The following LRP2 variants were observed in gnomAD, a reference collection of about 807,000 sequenced individuals.
LRP2 encodes low-density lipoprotein receptor-related protein 2.
LRP2 carries 172 observed loss-of-function variants against 531.0 expected under a neutral mutation model. The observed-to-expected ratio is 0.32, with a 90% CI of 0.29 to 0.37. LRP2 has a LOEUF of 0.37. Ranked by LOEUF, LRP2 falls within the 10% of genes least tolerant of loss-of-function variation. The probability of loss-of-function intolerance (pLI) is 1.00; values close to 1 mark genes in which losing one functional copy is unlikely to be tolerated. For missense variants in LRP2, 5,167 were observed against 5,868.3 expected (o/e 0.88, Z 3.90); for synonymous variants, 1,992 against 2,027.6 (o/e 0.98, Z 0.47).
chr2:169,133,039 C>T lies in LRP2; in HGVS notation c.13621-358G>A, dbSNP rs144883272. Reference sequence around the variant, plus strand: ...TCATACTCTAGTTATATACTGGAAGCCAAATCCTAGAAGAACAGCAAGAAT... The same window carrying T: ...TCATACTCTAGTTATATACTGGAAGTCAAATCCTAGAAGAACAGCAAGAAT... On this transcript the variant is annotated intron_variant, in intron 76 of 78. Transcript: ENST00000649046. 9.9e-5 allele frequency among the ~76,000 whole-genome samples: 15 copies of T among 152,284 alleles called. No individual in the cohort carries two copies. In the East Asian group the frequency reaches 2.5e-3, roughly 25 times the overall value.
chr2:169,136,621 C>T (rs1685521171), intron 76 of LRP2, among the ~76,000 whole-genome samples: 1 of 144,394 alleles, frequency 6.9e-6, no homozygotes, highest in Non-Finnish European at 1.5e-5. Context: ...TCAAAAACTC[C>T]CCCCCACTGA....
At chr2:169,197,734 C>T (rs1213623972) in intron 45 of LRP2, among the ~76,000 whole-genome samples, 1 of 152,188 alleles carries the variant, frequency 6.6e-6, no homozygotes, top group Non-Finnish European at 1.5e-5. Context: ...AAGCAGAGGT[C>T]CCTGAAAAGT....
intron 15 of LRP2, 146 bp downstream of exon 15, chr2:169,272,781 C>G (rs115435269): frequency 3.2e-6 from 3 of 943,354 alleles, no homozygotes; most frequent in Non-Finnish European, 5.2e-6. Context: ...AAGGAAGATG[C>G]CCTGTGGGCT....
chr2:169,196,993 T>A lies in LRP2; in HGVS notation c.8616A>T (p.Ala2872=). ...AATGTTGAGGAATACAGCGCCCAGA[T>A]GCGCATTGGAACTCACTGCTGCTGC... ...HTCSSSEFQC[A]SGRCIPQHWY... Residue 2872 remains alanine, a synonymous_variant, in exon 46 of 79, where the codon GCA becomes GCT. Coordinates refer to ENST00000649046, the MANE Select transcript of LRP2 (RefSeq NM_004525.3). 6.2e-7 allele frequency: 1 copy of A among 1,614,172 alleles called. No homozygotes were observed.
In LRP2 at chr2:169,271,089, A is replaced by C. The variant is rs1479151234; in HGVS notation, c.2135T>G (p.Ile712Ser). 1.2e-6 allele frequency: 2 copies of C among 1,612,820 alleles called. No homozygotes were observed. Among genetic ancestry groups the C allele is most frequent in the Non-Finnish European group, 1.7e-6 (2 of 1,179,232 alleles). Reference protein sequence around the residue: ...RHCIAVQNFLIFSSQVAIRGI... With the variant: ...RHCIAVQNFLSFSSQVAIRGI... ...ACGAATAGCAACTTGGGATGAAAAA[A>C]TGAGGAAATTCTGAACAGCTGTAGG... Residue 712 changes from isoleucine to serine, a missense_variant, in exon 16 of 79, where the codon ATT (isoleucine) becomes AGT (serine). By Grantham distance (142) the Ile-to-Ser change is moderately radical (BLOSUM62 -2). This residue lies in a region of LRP2 where 2,811 missense variants were observed against 3,058.0 expected (regional missense o/e 0.92). Transcript: ENST00000649046.
At chr2:169,176,273 C>T in intron 54 of LRP2, 138 bp downstream of exon 54, 1 of 904,786 alleles carries the variant, frequency 1.1e-6, no homozygotes, top group East Asian at 2.6e-5. Context: ...GGCTGAGAGT[C>T]TTGCTGTGTT....
At position 169,137,505 on chromosome 2, in the gene LRP2, G is replaced by A. The variant is rs778095847; in HGVS notation, c.13519-12C>T. On this transcript the variant is annotated splice_polypyrimidine_tract_variant and intron_variant, in intron 75 of 78. Transcript: ENST00000649046. ...ACAAAGTCTTCACTCTGATGGCAGA[G>A]ACAGAAAGAGAGAGAGAGAGAGAGA... is the stretch of plus-strand genomic sequence containing the variant. 1 of 1,458,518 alleles carries A rather than the reference G, an allele frequency of 6.9e-7. No individual in the cohort carries two copies. Among genetic ancestry groups the A allele is most frequent in the African/African-American group, 1.4e-5 (1 of 70,548 alleles). The allele number at this position is 1,458,518 out of a possible 1,614,324, so 90.3% of individuals were successfully genotyped here.
At chr2:169,324,846 G>A (rs1184762896) in intron 1 of LRP2, among the ~76,000 whole-genome samples, 3 of 152,110 alleles carry the variant, frequency 2.0e-5, no homozygotes, top group East Asian at 3.9e-4. Context: ...GCACAGCACC[G>A]GGTGCTTATG....
intron 1 of LRP2, among the ~76,000 whole-genome samples, chr2:169,337,053 C>T (rs183597448): frequency 3.3e-5 from 5 of 152,260 alleles, no homozygotes; most frequent in Non-Finnish European, 4.4e-5. Context: ...TGACTTCCCC[C>T]ACCGCTGTCT....
Position 169,275,141 on chromosome 2 carries a change from C to A in LRP2, c.1870G>T (p.Val624Leu). 6.2e-7 allele frequency: 1 copy of A among 1,613,712 alleles called. No homozygotes were observed. The highest frequency in any genetic ancestry group is 8.5e-7 in the Non-Finnish European group (1 of 1,179,836). ...TCTGTGAACTTGTTTGCCTTCAGCA[C>A]GGCCATCTTTGTCCAATCTGTAAAG... Reference protein sequence around the residue: ...VFFTDWTKMAVLKANKFTETN... With the variant: ...VFFTDWTKMALLKANKFTETN... Residue 624 changes from valine (V) to leucine (L), a missense_variant, in exon 14 of 79, where the codon GTG (valine) becomes TTG (leucine). This residue lies in a region of LRP2 where 2,811 missense variants were observed against 3,058.0 expected (regional missense o/e 0.92). Transcript: ENST00000649046.
In LRP2 at chr2:169,321,143, G is replaced by A. The variant is rs538520895; in HGVS notation, c.80-259C>T. 3.2e-4 allele frequency among the ~76,000 whole-genome samples: 49 copies of A among 152,164 alleles called. 1 individual carries two copies. Among genetic ancestry groups the A allele is most frequent in the South Asian group, 3.1e-3 (15 of 4,824 alleles). On this transcript the variant is annotated intron_variant, in intron 1 of 78. Coordinates refer to ENST00000649046, the MANE Select transcript of LRP2 (RefSeq NM_004525.3). ...CATTGGGAAAGCAGTTTGACAACAC[G>A]TATCTTGCTTTTTAAAAATACTTGA...
intron 2 of LRP2, among the ~76,000 whole-genome samples, chr2:169,320,571 T>C (rs1684883533): frequency 6.6e-6 from 1 of 152,236 alleles, no homozygotes; most frequent in African/African-American, 2.4e-5. Context: ...CTATCATCAA[T>C]GTGAATTGAA....
chr2:169,327,473 C>CCGGGAGGGAGG (rs1685117292), intron 1 of LRP2, among the ~76,000 whole-genome samples: 1 of 120,360 alleles, frequency 8.3e-6, no homozygotes, highest in African/African-American at 3.3e-5. Flanking sequence ...GCCGCCCCGT[C>CCGGGAGGGAGG]TGGGAGGGAG....
chr2:169,353,955 A>C (rs76456446), intron 1 of LRP2, among the ~76,000 whole-genome samples: 2,284 of 152,312 alleles, frequency 0.015, 34 homozygotes, highest in Non-Finnish European at 0.02. Context: ...CTCCAGCCTG[A>C]GTGATAAAGT....
chr2:169,263,368 G>A (rs1419678540), intron 16 of LRP2, among the ~76,000 whole-genome samples: 3 of 151,652 alleles, frequency 2.0e-5, no homozygotes, highest in Non-Finnish European at 2.9e-5. Flanking sequence ...CTAATATCCA[G>A]AATCTACAAT....
chr2:169,174,497 T>C (rs1687116749), intron 55 of LRP2, among the ~76,000 whole-genome samples: 1 of 152,228 alleles, frequency 6.6e-6, no homozygotes, highest in Non-Finnish European at 1.5e-5. Flanking sequence ...GTGTTGTTTT[T>C]AGTTTGGGGG....
At chr2:169,338,293 A>C (rs1393734543) in intron 1 of LRP2, among the ~76,000 whole-genome samples, 8 of 149,784 alleles carry the variant, frequency 5.3e-5, no homozygotes, top group African/African-American at 2.0e-4. Flanking sequence ...GAAAGAAAAA[A>C]GGAAGGAAGA....
chr2:169,215,248 T>C (rs544012760), intron 35 of LRP2, among the ~76,000 whole-genome samples: 2 of 152,274 alleles, frequency 1.3e-5, no homozygotes, highest in Admixed American at 1.3e-4. Context: ...CACAATATTA[T>C]GAAAAGCATC....
chr2:169,299,538 T>TA (rs34543659), intron 4 of LRP2, among the ~76,000 whole-genome samples: 38,440 of 138,260 alleles, frequency 0.28, 5,247 homozygotes, highest in East Asian at 0.44. Flanking sequence ...CTAAATTCCT[T>TA]AAAAAAAAAA....
Sources: gnomAD v4.1 joint callset for allele counts (sites outside exome capture counted in the v4.1 genomes callset) on GRCh38, gnomAD v4.1.1 for gene constraint, gnomAD v4.1.1 regional missense constraint, MANE v1.5 for transcripts, NCBI Gene and HGNC (gene_info 2026-07-23, HGNC 2026-07-21) for gene names.